Variants in HOGA1 observed in about 807,000 individuals in gnomAD.
The protein encoded by HOGA1 is 4-hydroxy-2-oxoglutarate aldolase 1.
In HOGA1, 30 loss-of-function variants were observed where a neutral mutation model predicts 34.3. The observed-to-expected ratio is 0.87, with a 90% CI of 0.65 to 1.19. The LOEUF (loss-of-function observed/expected upper bound fraction) is 1.19, where lower values mean the gene tolerates loss of function less well. HOGA1 is among the 50% of genes most tolerant of loss of function. HOGA1 has a pLI of 0.00. For synonymous variants in HOGA1, 161 were observed against 174.0 expected, an observed-to-expected ratio of 0.93 and a Z score of 0.59; for missense variants, 417 against 436.5, an observed-to-expected ratio of 0.96 and a Z score of 0.40.
chr10:97,597,933 G>T (rs1168595383), intron 1 of HOGA1, among the ~76,000 whole-genome samples: 1 of 152,216 alleles, frequency 6.6e-6, no homozygotes, highest in African/African-American at 2.4e-5. Context: ...CTGGGTGACA[G>T]AGTGAGACCC....
At chr10:97,599,345 C>T in intron 3 of HOGA1, 129 bp downstream of exon 3, 2 of 1,130,714 alleles carry the variant, frequency 1.8e-6, no homozygotes, top group Admixed American at 2.1e-5. Flanking sequence ...CATGGATCAG[C>T]TGCACGACAT....
rs2041198813 is a variant in HOGA1 at position 97,611,842 on chromosome 10, T to A, written c.*183T>A. The A allele has an allele frequency of 1.6e-6, 1 of 642,840 alleles. No individual in the cohort carries two copies. The highest frequency in any genetic ancestry group is 2.8e-5 in the East Asian group (1 of 36,094). 39.8% of individuals were successfully genotyped at this position (642,840 alleles called of 1,614,324 possible). ...GCACGCCCATGCATATCTCCTATTC[T>A]AACGGCCCCTGACCTCTCCCTTTTG... On this transcript the variant is annotated 3_prime_UTR_variant, in exon 7 of 7. Coordinates refer to ENST00000370646, the MANE Select transcript of HOGA1 (RefSeq NM_138413.4).
At chr10:97,587,785 C>T (rs1169985998) in intron 1 of HOGA1, among the ~76,000 whole-genome samples, 1 of 152,084 alleles carries the variant, frequency 6.6e-6, no homozygotes, top group Non-Finnish European at 1.5e-5. Context: ...GGATTACAGG[C>T]GTGAGCCACC....
At chr10:97,591,815 T>TA (rs1330789768) in intron 1 of HOGA1, among the ~76,000 whole-genome samples, 10 of 70,346 alleles carry the variant, frequency 1.4e-4, no homozygotes, top group African/African-American at 5.6e-4. Context: ...TTTTCTTTCA[T>TA]TTTGTGTGTG....
chr10:97,599,160 C>G lies in HOGA1; in HGVS notation c.412C>G (p.Pro138Ala). Residue 138 changes from proline (P) to alanine (A), a missense_variant, in exon 3 of 7, where the codon CCT becomes GCT. Transcript: ENST00000370646. Reference protein sequence around the residue: ...VGADAAMVVTPCYYRGRMSSA... With the variant: ...VGADAAMVVTACYYRGRMSSA... ...GGCTGACGCGGCCATGGTGGTGACCCCTTGCTACTATCGTGGCCGCATGAG... is the reference window on the plus strand; with the variant it reads ...GGCTGACGCGGCCATGGTGGTGACCGCTTGCTACTATCGTGGCCGCATGAG... 2 of 1,613,950 alleles carry G rather than the reference C, an allele frequency of 1.2e-6. No homozygotes were observed. Among genetic ancestry groups the G allele is most frequent in the South Asian group, 2.2e-5 (2 of 91,092 alleles).
chr10:97,599,651 C>A (rs761329842), intron 3 of HOGA1, 29 bp from the exon 4 acceptor site: 2 of 1,613,372 alleles, frequency 1.2e-6, no homozygotes, highest in Non-Finnish European at 8.5e-7. Flanking sequence ...GCTGCCCTCT[C>A]CTGCTTTTCT....
intron 6 of HOGA1, among the ~76,000 whole-genome samples, chr10:97,607,639 T>C (rs776514137): frequency 6.6e-6 from 1 of 152,160 alleles, no homozygotes; most frequent in Non-Finnish European, 1.5e-5. Flanking sequence ...AGTCTTCTTA[T>C]GTCTTTTATA....
At chr10:97,594,154 C>CAGTG (rs1417942197) in intron 1 of HOGA1, among the ~76,000 whole-genome samples, 2 of 147,202 alleles carry the variant, frequency 1.4e-5, no homozygotes, top group Non-Finnish European at 1.5e-5. Context: ...CAGGCATGAG[C>CAGTG]CACTGCGCCT....
At chr10:97,588,472 T>C (rs2040990006) in intron 1 of HOGA1, among the ~76,000 whole-genome samples, 1 of 152,190 alleles carries the variant, frequency 6.6e-6, no homozygotes, top group African/African-American at 2.4e-5. Context: ...CCTCCCAAAG[T>C]GTTGGGATTA....
At chr10:97,602,628 C>T in intron 6 of HOGA1, 1 of 947,008 alleles carries the variant, frequency 1.1e-6, no homozygotes, top group Non-Finnish European at 1.3e-6. Flanking sequence ...TCCTTTGTTC[C>T]TTCCTTCCTC....
intron 1 of HOGA1, among the ~76,000 whole-genome samples, chr10:97,588,465 C>G (rs1258516765): frequency 1.3e-5 from 2 of 152,176 alleles, no homozygotes; most frequent in Non-Finnish European, 2.9e-5. Context: ...GCCTCGGCCT[C>G]CCAAAGTGTT....
chr10:97,594,326 C>T (rs1162006523), intron 1 of HOGA1, among the ~76,000 whole-genome samples: 1 of 151,710 alleles, frequency 6.6e-6, no homozygotes, highest in Non-Finnish European at 1.5e-5. Context: ...CAGGTGCGCG[C>T]CTCCATGCTT....
rs573565860 is a variant in HOGA1 at position 97,612,251 on chromosome 10, C to G, written c.*592C>G. ...CTGACCTCAGGTGATCCAACTGCCT[C>G]GGCCTCCCAAAGTGCTGGGATTACA... On this transcript the variant is annotated 3_prime_UTR_variant, in exon 7 of 7. Transcript: ENST00000370646. The G allele has an allele frequency of 2.0e-5, 3 of 152,902 alleles. No individual in the cohort carries two copies. In the East Asian group the frequency reaches 5.8e-4, roughly 30 times the overall value. The allele number at this position is 152,902 out of a possible 1,614,324, so 9.5% of individuals were successfully genotyped here.
At chr10:97,601,485 C>T (rs2041116230) in intron 5 of HOGA1, among the ~76,000 whole-genome samples, 1 of 152,150 alleles carries the variant, frequency 6.6e-6, no homozygotes, top group South Asian at 2.1e-4. Context: ...TCCGTCCTAC[C>T]CTCTTACAGG....
intron 6 of HOGA1, among the ~76,000 whole-genome samples, chr10:97,605,028 T>G (rs533507998): frequency 6.6e-6 from 1 of 151,852 alleles, no homozygotes; most frequent in Non-Finnish European, 1.5e-5. Flanking sequence ...GAACAGGTTT[T>G]CGTGTGTCCA....
intron 3 of HOGA1, 41 bp from the exon 4 acceptor site, chr10:97,599,639 C>A (rs555506879): frequency 2.5e-6 from 4 of 1,612,052 alleles, no homozygotes; most frequent in Admixed American, 3.3e-5. Flanking sequence ...GGACCTGGGG[C>A]GGCTGCCCTC....
Position 97,611,688 on chromosome 10 carries a change from G to A in HOGA1, c.*29G>A. The A allele has an allele frequency of 1.2e-6, 2 of 1,601,212 alleles. No individual in the cohort carries two copies. Among genetic ancestry groups the A allele is most frequent in the Non-Finnish European group, 8.5e-7 (1 of 1,176,080 alleles). ...CAGGCAGGGTCCATGGCTGGCCTGA[G>A]CCCATCTCAGCCTCCTGCCTTGCAC... is the stretch of plus-strand genomic sequence containing the variant. On this transcript the variant is annotated 3_prime_UTR_variant, in exon 7 of 7. Coordinates refer to ENST00000370646, the MANE Select transcript of HOGA1 (RefSeq NM_138413.4).
chr10:97,590,380 G>A (rs1318203457), intron 1 of HOGA1: 3 of 1,613,970 alleles, frequency 1.9e-6, no homozygotes, highest in Admixed American at 1.7e-5. Flanking sequence ...TAGAGTCCAA[G>A]GACATCAACC....
In HOGA1 at chr10:97,584,826, T is replaced by A. The variant is rs1299629192; in HGVS notation, c.123T>A (p.Pro41=). Residue 41 remains proline (P), a synonymous_variant, in exon 1 of 7, where the codon CCT becomes CCA. Coordinates refer to ENST00000370646, the MANE Select transcript of HOGA1 (RefSeq NM_138413.4). ...TGGACATTGCGGGTATCTACCCCCC[T>A]GTGACCACCCCCTTCACTGCCACTG... ...KKVDIAGIYP[P]VTTPFTATAE... is the part of the protein sequence containing the mutation. The A allele has an allele frequency of 1.2e-6, 2 of 1,613,918 alleles. No homozygotes were observed. The highest frequency in any genetic ancestry group is 2.2e-5 in the East Asian group (1 of 44,882).
Sources: gnomAD v4.1 joint callset for allele counts (sites outside exome capture counted in the v4.1 genomes callset) on GRCh38, gnomAD v4.1.1 for gene constraint, MANE v1.5 for transcripts, NCBI Gene and HGNC (gene_info 2026-07-23, HGNC 2026-07-21) for gene names.